PIK3C2G: variants seen among roughly 807,000 people sequenced by gnomAD.
PIK3C2G encodes phosphatidylinositol-4-phosphate 3-kinase catalytic subunit type 2 gamma, also known as phosphatidylinositol 3-kinase C2 domain-containing subunit gamma.
PIK3C2G carries 168 observed loss-of-function variants against 181.1 expected under a neutral mutation model. The ratio of observed to expected loss-of-function variants is 0.93; its 90% CI spans 0.82 to 1.05. The LOEUF is 1.05. Ranked by LOEUF, PIK3C2G falls within the 50% of genes least tolerant of loss-of-function variation. PIK3C2G has a pLI of 0.00. For synonymous variants in PIK3C2G, 573 were observed against 592.2 expected, an observed-to-expected ratio of 0.97 and a Z score of 0.47; for missense variants, 1,869 against 1,732.8, an observed-to-expected ratio of 1.08 and a Z score of -1.40.
intron 1 of PIK3C2G, among the ~76,000 whole-genome samples, chr12:18,272,093 C>A (rs1370753966): frequency 6.6e-6 from 1 of 152,152 alleles, no homozygotes. Context: ...ATAATTTCTT[C>A]AAGCAAGTGT....
chr12:18,384,178 A>G (rs1427693549), intron 14 of PIK3C2G, among the ~76,000 whole-genome samples: 1 of 152,042 alleles, frequency 6.6e-6, no homozygotes, highest in Non-Finnish European at 1.5e-5. Flanking sequence ...TAGGGCCAAA[A>G]ACTAAGAAAA....
chr12:18,470,440 C>T (rs1938350560), intron 18 of PIK3C2G, among the ~76,000 whole-genome samples: 1 of 152,094 alleles, frequency 6.6e-6, no homozygotes, highest in Admixed American at 6.6e-5. Flanking sequence ...CATGAAACCA[C>T]AGCCCCATGC....
At chr12:18,634,335 G>A (rs1217131903) in intron 31 of PIK3C2G, among the ~76,000 whole-genome samples, 1 of 152,184 alleles carries the variant, frequency 6.6e-6, no homozygotes, top group Non-Finnish European at 1.5e-5. Flanking sequence ...AACCAAGAAA[G>A]AGGCACAATG....
intron 13 of PIK3C2G, among the ~76,000 whole-genome samples, chr12:18,379,681 T>C (rs1382658773): frequency 6.6e-6 from 1 of 152,190 alleles, no homozygotes; most frequent in Admixed American, 6.5e-5. Flanking sequence ...TGACGGATGC[T>C]TGTTACAGCT....
the PIK3C2G span, among the ~76,000 whole-genome samples, chr12:18,681,135 A>C: frequency 6.6e-6 from 1 of 152,026 alleles, no homozygotes; most frequent in African/African-American, 2.4e-5. Flanking sequence ...ATTGTTCAAC[A>C]AGGAAACACG....
At chr12:18,475,994 A>G (rs1017112751) in intron 18 of PIK3C2G, among the ~76,000 whole-genome samples, 1 of 152,148 alleles carries the variant, frequency 6.6e-6, no homozygotes. Context: ...TTGAACCACA[A>G]GGGTGTAAAG....
intron 18 of PIK3C2G, among the ~76,000 whole-genome samples, chr12:18,478,491 G>C (rs1417151961): frequency 6.6e-6 from 1 of 152,074 alleles, no homozygotes; most frequent in African/African-American, 2.4e-5. Flanking sequence ...ACTGCCATTT[G>C]TCTAAATAAA....
At chr12:18,531,524 C>A (rs1943553453) in intron 24 of PIK3C2G, among the ~76,000 whole-genome samples, 1 of 152,090 alleles carries the variant, frequency 6.6e-6, no homozygotes, top group South Asian at 2.1e-4. Flanking sequence ...ACATTCACTT[C>A]CCTCTCACCT....
the PIK3C2G span, among the ~76,000 whole-genome samples, chr12:18,720,140 C>T: frequency 6.6e-6 from 1 of 152,040 alleles, no homozygotes; most frequent in Non-Finnish European, 1.5e-5. Flanking sequence ...TTCTTTTACT[C>T]AACATTCTAT....
the PIK3C2G span, chr12:18,713,119 T>C: frequency 8.9e-6 from 11 of 1,237,040 alleles, no homozygotes; most frequent in Non-Finnish European, 1.2e-5. Context: ...CTATAAAAAC[T>C]TGTCTTTGGG....
the PIK3C2G span, chr12:18,683,278 C>T: frequency 1.1e-5 from 18 of 1,612,584 alleles, no homozygotes; most frequent in Admixed American, 2.3e-4. Context: ...GTGAAGCAGG[C>T]TCAAGGCTCT....
chr12:18,653,142 A>G (rs1321843806), downstream of PIK3C2G, among the ~76,000 whole-genome samples: 2 of 152,122 alleles, frequency 1.3e-5, no homozygotes, highest in Admixed American at 6.6e-5. Context: ...CTGGCTACTA[A>G]TATCATAAAA....
intron 5 of PIK3C2G, among the ~76,000 whole-genome samples, chr12:18,310,985 A>C (rs1950612494): frequency 6.6e-6 from 1 of 152,024 alleles, no homozygotes; most frequent in African/African-American, 2.4e-5. Context: ...AAGTATAATA[A>C]GCTCTTGGTA....
chr12:18,349,487 T>C (rs1448993812), intron 11 of PIK3C2G, among the ~76,000 whole-genome samples: 2 of 152,182 alleles, frequency 1.3e-5, no homozygotes, highest in Non-Finnish European at 2.9e-5. Flanking sequence ...ACTCCACAGA[T>C]GCCTTCAGGG....
intron 15 of PIK3C2G, among the ~76,000 whole-genome samples, chr12:18,397,066 A>G (rs1021109875): frequency 3.9e-5 from 6 of 152,102 alleles, no homozygotes; most frequent in African/African-American, 1.4e-4. Context: ...GCTTAAGGAC[A>G]GGCAAATAGA....
the PIK3C2G span, chr12:18,693,459 C>T: frequency 6.2e-7 from 1 of 1,606,142 alleles, no homozygotes; most frequent in South Asian, 1.1e-5. Context: ...TGTGGTCCAC[C>T]TGGCACAGGT....
intron 25 of PIK3C2G, among the ~76,000 whole-genome samples, chr12:18,544,255 G>A (rs1461073670): frequency 2.0e-5 from 3 of 151,852 alleles, no homozygotes; most frequent in Non-Finnish European, 4.4e-5. Flanking sequence ...TAGAAGATGA[G>A]GCTGGAGTGA....
the PIK3C2G span, among the ~76,000 whole-genome samples, chr12:18,679,944 G>A: frequency 6.6e-6 from 1 of 151,940 alleles, no homozygotes; most frequent in South Asian, 2.1e-4. Flanking sequence ...ACCCTCCAGT[G>A]TTTGGAATGA....
chr12:18,475,474 A>G (rs1379017059), intron 18 of PIK3C2G, among the ~76,000 whole-genome samples: 1 of 151,658 alleles, frequency 6.6e-6, no homozygotes, highest in Non-Finnish European at 1.5e-5. Context: ...TTCTAAAATG[A>G]CATGGCTTAT....
Sources: gnomAD v4.1 joint callset for allele counts (sites outside exome capture counted in the v4.1 genomes callset) on GRCh38, gnomAD v4.1.1 for gene constraint, MANE v1.5 for transcripts, NCBI Gene and HGNC (gene_info 2026-07-23, HGNC 2026-07-21) for gene names.